TRIP6: variants seen among roughly 807,000 people sequenced by gnomAD.
TRIP6 encodes thyroid hormone receptor interactor 6.
A neutral mutation model predicts 51.9 loss-of-function variants in TRIP6; 33 were observed. The ratio of observed to expected loss-of-function variants is 0.64; its 90% CI spans 0.48 to 0.85. TRIP6 has a LOEUF of 0.85. Ranked by LOEUF, TRIP6 falls within the 40% of genes least tolerant of loss-of-function variation. TRIP6 has a pLI of 0.00. For missense variants in TRIP6, 661 were observed against 652.1 expected (o/e 1.01, Z -0.15); for synonymous variants, 255 against 275.8 (o/e 0.92, Z 0.75).
In TRIP6 at chr7:100,873,394, A is replaced by C; in HGVS notation, c.*91A>C. ...TGACATCCACCTGTATGACTTTGTC[A>C]CCAAATGCTGTCTTCTCTTTCTCCA... On this transcript the variant is annotated 3_prime_UTR_variant, in exon 9 of 9. Transcript: ENST00000200457. 2.0e-6 allele frequency: 3 copies of C among 1,486,642 alleles called. No individual in the cohort carries two copies. Among genetic ancestry groups the C allele is most frequent in the Non-Finnish European group, 2.7e-6 (3 of 1,116,438 alleles). The allele number at this position is 1,486,642 out of a possible 1,614,324, so 92.1% of individuals were successfully genotyped here. A position where few individuals can be genotyped will look rare whatever the true frequency, so the allele number is the denominator to read the frequency against.
At position 100,867,985 on chromosome 7, in the gene TRIP6, G is replaced by A; in HGVS notation, c.234G>A (p.Thr78=). The A allele has an allele frequency of 2.6e-6, 4 of 1,514,750 alleles. No individual in the cohort carries two copies. The highest frequency in any genetic ancestry group is 1.3e-5 in the South Asian group (1 of 75,096). 93.8% of individuals were successfully genotyped at this position (1,514,750 alleles called of 1,614,324 possible). The change falls in exon 2 of 9, where the codon ACG becomes ACA. Residue 78 remains threonine (T), a synonymous_variant. Coordinates refer to ENST00000200457, the MANE Select transcript of TRIP6 (RefSeq NM_003302.3). This position sits in a 1 kb window ranked among gnomAD's most constrained non-coding sequence, Gnocchi z 5.4. The part of the protein sequence containing the change: ...WVGSHGVLQH[T]QGLPADRGGL... ...GGTCCCATGGAGTACTCCAGCACAC[G>A]CAGGTGAGACCCGGGATCGTGGGGT...
At chr7:100,869,568 G>T (rs1197138055) in intron 4 of TRIP6, among the ~76,000 whole-genome samples, 1 of 147,730 alleles carries the variant, frequency 6.8e-6, no homozygotes, top group Non-Finnish European at 1.5e-5. Context: ...GGAGGTGGAG[G>T]TTGCGGTGAG....
rs1815299433 is a variant in TRIP6 at position 100,872,738 on chromosome 7, G to C, written c.1293G>C (p.Lys431Asn). 2 of 1,613,956 alleles carry C rather than the reference G, an allele frequency of 1.2e-6. No homozygotes were observed. The change falls in exon 8 of 9, where the codon AAG becomes AAC. Residue 431 changes from lysine to asparagine, a missense_variant. Lys to Asn is a moderately conservative substitution (Grantham distance 94). Coordinates refer to ENST00000200457, the MANE Select transcript of TRIP6 (RefSeq NM_003302.3). ...GAAGTTTTCACATTGGCTGTTACAAGTGCGAGGTCAGGGGCCCCCAGCACG... is the reference window on the plus strand; with the variant it reads ...GAAGTTTTCACATTGGCTGTTACAACTGCGAGGTCAGGGGCCCCCAGCACG... ...LDRSFHIGCY[K>N]CEECGLLLSS...
chr7:100,868,117 G>A lies in TRIP6; in HGVS notation c.247G>A (p.Ala83Thr). ...GVLQHTQGLP[A>T]DRGGLRPGSL... ...CTGGCTCCATCCTCAGGGGCTCCCT[G>A]CAGACAGGGGGGGCCTTCGCCCTGG... Residue 83 changes from alanine (A) to threonine (T), a missense_variant, in exon 3 of 9, where the codon GCA becomes ACA. Transcript: ENST00000200457. 1.2e-6 allele frequency: 2 copies of A among 1,613,082 alleles called. No homozygotes were observed. Among genetic ancestry groups the A allele is most frequent in the Non-Finnish European group, 1.7e-6 (2 of 1,179,748 alleles).
In TRIP6 at chr7:100,868,361, A is replaced by G. The variant is rs1003638199; in HGVS notation, c.363+128A>G. Reference sequence around the variant, plus strand: ...AGGAAGCGTGGCTGCAAGTACCAACATGTCAGCCACTTGAGGACGGGACCT... The same window carrying G: ...AGGAAGCGTGGCTGCAAGTACCAACGTGTCAGCCACTTGAGGACGGGACCT... On this transcript the variant is annotated intron_variant, in intron 3 of 8. Transcript: ENST00000200457. The G allele has an allele frequency of 6.4e-6, 10 of 1,569,674 alleles. No homozygotes were observed. In the East Asian group the frequency reaches 1.6e-4, roughly 25 times the overall value.
Position 100,873,220 on chromosome 7 carries a change from C to G in TRIP6, c.1348C>G (p.Pro450Ala). 1 of 1,613,796 alleles carries G rather than the reference C, an allele frequency of 6.2e-7. No homozygotes were observed. Among genetic ancestry groups the G allele is most frequent in the African/African-American group, 1.3e-5 (1 of 75,038 alleles). ...SSEGECQGCYPLDGHILCKAC... is the reference protein window; with the variant it reads ...SSEGECQGCYALDGHILCKAC... ...TGAGGGCGAGTGTCAGGGCTGCTAC[C>G]CGCTGGATGGGCACATCTTGTGCAA... is the stretch of plus-strand genomic sequence containing the variant. Residue 450 changes from proline (P) to alanine (A), a missense_variant, in exon 9 of 9, where the codon CCG (proline) becomes GCG (alanine). By Grantham distance (27) the Pro-to-Ala change is conservative. Transcript: ENST00000200457.
intron 4 of TRIP6, among the ~76,000 whole-genome samples, chr7:100,869,746 C>A (rs1434676345): frequency 6.7e-6 from 1 of 148,576 alleles, no homozygotes; most frequent in Non-Finnish European, 1.5e-5. Flanking sequence ...TTATAGCAGT[C>A]CCCAATCTTT....
At chr7:100,870,882 C>A in intron 6 of TRIP6, 139 bp downstream of exon 6, 3 of 1,203,576 alleles carry the variant, frequency 2.5e-6, no homozygotes, top group Non-Finnish European at 3.4e-6. Context: ...ACAAACAGGG[C>A]GGAATTCTGC....
chr7:100,867,688 C>G lies in TRIP6; in HGVS notation c.109+82C>G, dbSNP rs1815170763. 3.2e-6 allele frequency: 5 copies of G among 1,556,278 alleles called. No individual in the cohort carries two copies. Among genetic ancestry groups the G allele is most frequent in the Non-Finnish European group, 3.5e-6 (4 of 1,145,294 alleles). ...CTACCGCTCCAGCCTCCCGCCCTGG[C>G]TGCTTCCTCCTGCCCCTTCCCCAAG... On this transcript the variant is annotated intron_variant, in intron 1 of 8. Coordinates refer to ENST00000200457, the MANE Select transcript of TRIP6 (RefSeq NM_003302.3). The surrounding 1 kb of genome is among the most constrained non-coding windows in gnomAD (Gnocchi z 5.4).
intron 8 of TRIP6, 199 bp from the exon 9 acceptor site, chr7:100,872,972 TC>T (rs1165458523): frequency 9.4e-7 from 1 of 1,065,538 alleles, no homozygotes; most frequent in African/African-American, 1.6e-5. Context: ...TGCCTCAGCC[TC>T]CTGAGTAGCT....
Position 100,870,639 on chromosome 7 carries a change from G to T in TRIP6, c.895G>T (p.Val299Phe), listed in dbSNP as rs377078693. ...DGAGVVALDR[V>F]FHVGCFVCST... The stretch of plus-strand genomic sequence containing the variant: ...GGCTGGGGTTGTGGCCCTTGATCGC[G>T]TCTTTCACGTGGGCTGCTTTGTATG... The change falls in exon 6 of 9, where the codon GTC becomes TTC. Residue 299 changes from valine to phenylalanine, a missense_variant. Coordinates refer to ENST00000200457, the MANE Select transcript of TRIP6 (RefSeq NM_003302.3). 4.3e-6 allele frequency: 7 copies of T among 1,614,202 alleles called. No individual in the cohort carries two copies. In the South Asian group the frequency reaches 6.6e-5, roughly 15 times the overall value.
At chr7:100,870,014 C>T (rs1277261123) in intron 4 of TRIP6, among the ~76,000 whole-genome samples, 1 of 152,018 alleles carries the variant, frequency 6.6e-6, no homozygotes, top group Non-Finnish European at 1.5e-5. Flanking sequence ...GAGCCCTGAG[C>T]TTGTTTTCCT....
chr7:100,870,219 C>T, intron 4 of TRIP6, 151 bp from the exon 5 acceptor site: 1 of 725,022 alleles, frequency 1.4e-6, no homozygotes, highest in South Asian at 1.7e-5. Flanking sequence ...TGATGGGGAG[C>T]AGCTGTAAAT....
Position 100,867,678 on chromosome 7 carries a change from C to T in TRIP6, c.109+72C>T. The T allele has an allele frequency of 1.3e-6, 2 of 1,566,938 alleles. No homozygotes were observed. The highest frequency in any genetic ancestry group is 1.7e-6 in the Non-Finnish European group (2 of 1,153,682). On this transcript the variant is annotated intron_variant, in intron 1 of 8. Coordinates refer to ENST00000200457, the MANE Select transcript of TRIP6 (RefSeq NM_003302.3). This position sits in a 1 kb window ranked among gnomAD's most constrained non-coding sequence, Gnocchi z 5.4. Reference sequence around the variant, plus strand: ...CACCTCTGTCCTACCGCTCCAGCCTCCCGCCCTGGCTGCTTCCTCCTGCCC... The same window carrying T: ...CACCTCTGTCCTACCGCTCCAGCCTTCCGCCCTGGCTGCTTCCTCCTGCCC...
At position 100,873,226 on chromosome 7, in the gene TRIP6, G is replaced by A. The variant is rs1157802587; in HGVS notation, c.1354G>A (p.Asp452Asn). 2 of 1,613,878 alleles carry A rather than the reference G, an allele frequency of 1.2e-6. No individual in the cohort carries two copies. Among genetic ancestry groups the A allele is most frequent in the Non-Finnish European group, 1.7e-6 (2 of 1,179,876 alleles). Residue 452 changes from aspartate to asparagine, a missense_variant, in exon 9 of 9, where the codon GAT (aspartate) becomes AAT (asparagine). Asp to Asn is a conservative substitution (Grantham distance 23, BLOSUM62 1). Coordinates refer to ENST00000200457, the MANE Select transcript of TRIP6 (RefSeq NM_003302.3). The stretch of plus-strand genomic sequence containing the variant: ...CGAGTGTCAGGGCTGCTACCCGCTG[G>A]ATGGGCACATCTTGTGCAAGGCCTG... ...EGECQGCYPL[D>N]GHILCKACSA...
chr7:100,868,395 G>A (rs1815192876), intron 3 of TRIP6, 100 bp from the exon 4 acceptor site: 2 of 1,590,996 alleles, frequency 1.3e-6, no homozygotes, highest in Middle Eastern at 1.7e-4. Flanking sequence ...CTTGTCAAAT[G>A]CAAAAAGCCT....
chr7:100,868,810 G>T lies in TRIP6; in HGVS notation c.679G>T (p.Ala227Ser). ...GCCAGGGCCAGGGGCCAAAGAGGAAGCTGCTGGGGTCTCTGGCCCTGCAGG... is the reference window on the plus strand; with the variant it reads ...GCCAGGGCCAGGGGCCAAAGAGGAATCTGCTGGGGTCTCTGGCCCTGCAGG... ...REPGPGAKEE[A>S]AGVSGPAGRG... The change falls in exon 4 of 9, where the codon GCT (alanine) becomes TCT (serine). Residue 227 changes from alanine (A) to serine (S), a missense_variant. Ala to Ser is a moderately conservative substitution (Grantham distance 99). Transcript: ENST00000200457. The T allele has an allele frequency of 6.6e-7, 1 of 1,523,732 alleles. No homozygotes were observed. Among genetic ancestry groups the T allele is most frequent in the Non-Finnish European group, 8.8e-7 (1 of 1,140,648 alleles). 94.4% of individuals were successfully genotyped at this position (1,523,732 alleles called of 1,614,324 possible). A position where few individuals can be genotyped will look rare whatever the true frequency, so the allele number is the denominator to read the frequency against.
chr7:100,869,654 A>G (rs1335315842), intron 4 of TRIP6, among the ~76,000 whole-genome samples: 1 of 150,148 alleles, frequency 6.7e-6, no homozygotes, highest in Non-Finnish European at 1.5e-5. Context: ...AAAAAAAAAA[A>G]AAGAACTGCC....
At position 100,871,582 on chromosome 7, in the gene TRIP6, C is replaced by T. The variant is rs369959546; in HGVS notation, c.1039C>T (p.Leu347=). The change falls in exon 7 of 9, where the codon CTG becomes TTG. Residue 347 remains leucine (L), a synonymous_variant. Transcript: ENST00000200457. Reference sequence around the variant, plus strand: ...ATGTGCCACGTGCTCCCAGCCCATCCTGGACCGGATCCTGCGGGCTATGGG... The same window carrying T: ...ATGTGCCACGTGCTCCCAGCCCATCTTGGACCGGATCCTGCGGGCTATGGG... ...EKCATCSQPI[L]DRILRAMGKA... 1.2e-6 allele frequency: 2 copies of T among 1,614,030 alleles called. No individual in the cohort carries two copies. The highest frequency in any genetic ancestry group is 2.7e-5 in the African/African-American group (2 of 74,942).
Sources: allele counts gnomAD v4.1 joint callset (sites outside exome capture counted in the v4.1 genomes callset), GRCh38; gene constraint gnomAD v4.1.1; non-coding constraint Gnocchi (gnomAD v3.1); transcripts MANE v1.5; gene names NCBI Gene and HGNC (gene_info 2026-07-23, HGNC 2026-07-21).